The following TTN variants were observed in gnomAD, a reference collection of about 807,000 sequenced individuals.
The protein encoded by TTN is titin.
In TTN, 1,525 loss-of-function variants were observed where a neutral mutation model predicts 3,223.0. The observed-to-expected ratio is 0.47, with a 90% CI of 0.45 to 0.49. The LOEUF (loss-of-function observed/expected upper bound fraction) is 0.49, where lower values mean the gene tolerates loss of function less well. Ranked by LOEUF, TTN falls within the 20% of genes least tolerant of loss-of-function variation. The probability of loss-of-function intolerance (pLI) is 0.00; values close to 1 mark genes in which losing one functional copy is unlikely to be tolerated. For synonymous variants in TTN, 14,094 were observed against 15,161.0 expected, an observed-to-expected ratio of 0.93 and a Z score of 5.17; for missense variants, 40,786 against 43,424.0, an observed-to-expected ratio of 0.94 and a Z score of 5.40.
chr2:178,614,598 T>C lies in TTN; in HGVS notation c.48916A>G (p.Thr16306Ala), dbSNP rs767671184. ...DMILKQDKRITIENVPKKSTV... is the reference protein window; with the variant it reads ...DMILKQDKRIAIENVPKKSTV... ...GATTTCTTAGGGACATTTTCAATGG[T>C]AATTCTTTTGTCCTGCTTCAGAATC... The change falls in exon 261 of 363, where the codon ACC (threonine) becomes GCC (alanine). Residue 16306 changes from threonine to alanine, a missense_variant. Coordinates refer to ENST00000589042, the MANE Select transcript of TTN (RefSeq NM_001267550.2). 1 of 1,612,446 alleles carries C rather than the reference T, an allele frequency of 6.2e-7. No individual in the cohort carries two copies.
chr2:178,574,490 A>G lies in TTN; in HGVS notation c.71642T>C (p.Val23881Ala). ...ACTTGATTTGAAAATGTTGCCTGGT[A>G]CTAAAGCTTTGCTCACAGTCTGCCA... ...ILWQTVSKAL[V>A]PGNIFKSSGL... The change falls in exon 326 of 363, where the codon GTA (valine) becomes GCA (alanine). Residue 23881 changes from valine to alanine, a missense_variant. By Grantham distance (64) the Val-to-Ala change is moderately conservative (BLOSUM62 0). Transcript: ENST00000589042. 6.2e-7 allele frequency: 1 copy of G among 1,613,688 alleles called. No homozygotes were observed. Among genetic ancestry groups the G allele is most frequent in the Non-Finnish European group, 8.5e-7 (1 of 1,179,644 alleles).
Position 178,598,980 on chromosome 2 carries a change from A to G in TTN, c.56730T>C (p.Tyr18910=). The G allele has an allele frequency of 6.2e-7, 1 of 1,611,990 alleles. No individual in the cohort carries two copies. Reference sequence around the variant, plus strand: ...ACCCTGTCACAGGAGAGCCTCCATCATATTCTGGCTCTTCCCAGTTGACAG... The same window carrying G: ...ACCCTGTCACAGGAGAGCCTCCATCGTATTCTGGCTCTTCCCAGTTGACAG... ...SMTVNWEEPE[Y]DGGSPVTGYW... The change falls in exon 291 of 363, where the codon TAT becomes TAC. Residue 18910 remains tyrosine (Y), a synonymous_variant. Coordinates refer to ENST00000589042, the MANE Select transcript of TTN (RefSeq NM_001267550.2).
At position 178,563,150 on chromosome 2, in the gene TTN, G is replaced by A. The variant is rs770498921; in HGVS notation, c.82982C>T (p.Pro27661Leu). The A allele has an allele frequency of 1.2e-6, 2 of 1,613,712 alleles. No individual in the cohort carries two copies. The highest frequency in any genetic ancestry group is 1.1e-5 in the South Asian group (1 of 91,072). The change falls in exon 326 of 363, where the codon CCT (proline) becomes CTT (leucine). Residue 27661 changes from proline to leucine, a missense_variant. Pro to Leu is a moderately conservative substitution (Grantham distance 98). Transcript: ENST00000589042. The surrounding 1 kb of genome is among the most constrained non-coding windows in gnomAD (Gnocchi z 4.5). The stretch of plus-strand genomic sequence containing the variant: ...CCTCTCCTGAGCAACCACTGAGCCA[G>A]GTAGAGTTGCAGGTTCACCTACACC... ...SEGVGEPATL[P>L]GSVVAQERIE... is the part of the protein sequence containing the mutation.
At chr2:178,664,957 A>T in intron 165 of TTN, 31 bp from the exon 166 acceptor site, 5 of 1,579,602 alleles carry the variant, frequency 3.2e-6, no homozygotes, top group Non-Finnish European at 4.3e-6. Flanking sequence ...CACATTTAAG[A>T]GTTAAAATGA....
intron 142 of TTN, 84 bp downstream of exon 142, chr2:178,679,255 G>A: frequency 1.4e-6 from 2 of 1,411,234 alleles, no homozygotes; most frequent in Non-Finnish European, 2.0e-6. Flanking sequence ...ATATTGTCAT[G>A]GGGAAAGATC....
At chr2:178,798,544 G>A (rs1028684401) in intron 6 of TTN, 2 of 152,004 alleles carry the variant, frequency 1.3e-5, no homozygotes, top group African/African-American at 4.8e-5. Flanking sequence ...AAGAATATTG[G>A]CATAATTATT....
intron 318 of TTN, 22 bp from the exon 319 acceptor site, chr2:178,579,870 A>G (rs1406339718): frequency 1.2e-6 from 2 of 1,612,280 alleles, no homozygotes; most frequent in Admixed American, 1.7e-5. Context: ...GAGAAATGAT[A>G]AGTGTAAGCC....
intron 45 of TTN, 147 bp from the exon 46 acceptor site, chr2:178,756,944 C>G: frequency 1.4e-6 from 1 of 735,536 alleles, no homozygotes; most frequent in Non-Finnish European, 2.2e-6. Flanking sequence ...GCAATATGAT[C>G]TAGATGTCAG....
chr2:178,565,677 T>A lies in TTN; in HGVS notation c.80455A>T (p.Met26819Leu), dbSNP rs1705523531. Residue 26819 changes from methionine (M) to leucine (L), a missense_variant, in exon 326 of 363, where the codon ATG becomes TTG. Physicochemically the swap from Met to Leu is conservative, Grantham distance 15. Transcript: ENST00000589042. ...CATTTTTCAGTTCCTTTGGGCTGCA[T>A]TTCAACAACGTACCCCAGGACTCTG... Reference protein sequence around the residue: ...GSRVLGYVVEMQPKGTEKWSI... With the variant: ...GSRVLGYVVELQPKGTEKWSI... 1 of 1,613,628 alleles carries A rather than the reference T, an allele frequency of 6.2e-7. No homozygotes were observed. Among genetic ancestry groups the A allele is most frequent in the Non-Finnish European group, 8.5e-7 (1 of 1,179,642 alleles).
Position 178,587,313 on chromosome 2 carries a change from G to T in TTN, c.63898C>A (p.His21300Asn). Residue 21300 changes from histidine to asparagine, a missense_variant, in exon 307 of 363, where the codon CAT (histidine) becomes AAT (asparagine). Transcript: ENST00000589042. The part of the protein sequence containing the change: ...PENDGGSQVT[H>N]YIVEKREADR... The stretch of plus-strand genomic sequence containing the variant: ...GCCTCACGTTTCTCCACGATATAAT[G>T]TGTCACTTGGCTCCCACCGTCGTTT... 2 of 1,612,802 alleles carry T rather than the reference G, an allele frequency of 1.2e-6. No homozygotes were observed. The highest frequency in any genetic ancestry group is 8.5e-7 in the Non-Finnish European group (1 of 1,179,404).
chr2:178,542,201 TTC>T, intron 349 of TTN, 61 bp downstream of exon 349: 2 of 1,475,240 alleles, frequency 1.4e-6, no homozygotes, highest in Non-Finnish European at 1.8e-6. Context: ...TAAAAACAAA[TTC>T]TTTTTTGTTA....
At position 178,560,616 on chromosome 2, in the gene TTN, G is replaced by T. The variant is rs201272728; in HGVS notation, c.85516C>A (p.Gln28506Lys). The change falls in exon 326 of 363, where the codon CAG becomes AAG. Residue 28506 changes from glutamine to lysine, a missense_variant. Physicochemically the swap from Gln to Lys is moderately conservative, Grantham distance 53. Coordinates refer to ENST00000589042, the MANE Select transcript of TTN (RefSeq NM_001267550.2). ...TTGGTTACTTTACAGGATGTCATCT[G>T]TAACTCTCCTTCACATATTGTCCAT... is the stretch of plus-strand genomic sequence containing the variant. Reference protein sequence around the residue: ...LAWTICEGELQMTSCKVTKLL... With the variant: ...LAWTICEGELKMTSCKVTKLL... 456 of 1,613,494 alleles carry T rather than the reference G, an allele frequency of 2.8e-4. No homozygotes were observed. The highest frequency in any genetic ancestry group is 2.6e-3 in the Middle Eastern group (16 of 6,060).
Position 178,526,968 on chromosome 2 carries a change from C to T in TTN, c.*44G>A, listed in dbSNP as rs764663281. 14 of 1,483,618 alleles carry T rather than the reference C, an allele frequency of 9.4e-6. No individual in the cohort carries two copies. The highest frequency in any genetic ancestry group is 8.4e-5 in the African/African-American group (6 of 71,476). 91.9% of individuals were successfully genotyped at this position (1,483,618 alleles called of 1,614,324 possible). A position where few individuals can be genotyped will look rare whatever the true frequency, so the allele number is the denominator to read the frequency against. On this transcript the variant is annotated 3_prime_UTR_variant, in exon 363 of 363. Coordinates refer to ENST00000589042, the MANE Select transcript of TTN (RefSeq NM_001267550.2). ...AAGATTAGTCCGTGTGAAACGTTTG[C>T]GAAAAGTTAAGAATGAGTGTAGAGT...
rs1470748172 is a variant in TTN, at chr2:178,589,093, T to C, written c.62632A>G (p.Ser20878Gly). ...VRNLKIVDVS[S>G]DRCTVCWDPP... ...TCCCAGCAAACAGTACACCTATCAC[T>C]GGACACATCAACAATTTTCAGATTT... Residue 20878 changes from serine (S) to glycine (G), a missense_variant, in exon 304 of 363, where the codon AGT becomes GGT. By Grantham distance (56) the Ser-to-Gly change is moderately conservative. Coordinates refer to ENST00000589042, the MANE Select transcript of TTN (RefSeq NM_001267550.2). 6.2e-7 allele frequency: 1 copy of C among 1,610,562 alleles called. No individual in the cohort carries two copies.
Position 178,764,690 on chromosome 2 carries a change from T to C in TTN, c.9825A>G (p.Glu3275=). The change falls in exon 42 of 363, where the codon GAA becomes GAG. Residue 3275 remains glutamate, a synonymous_variant. Coordinates refer to ENST00000589042, the MANE Select transcript of TTN (RefSeq NM_001267550.2). ...RPQPKISWYK[E]EQLLSTGFKC... ...TGAAGCCAGTGGAAAGCAGCTGCTC[T>C]TCCTTGTACCAGGAAATTTTGGGCT... 1 of 1,614,152 alleles carries C rather than the reference T, an allele frequency of 6.2e-7. No homozygotes were observed. The highest frequency in any genetic ancestry group is 8.5e-7 in the Non-Finnish European group (1 of 1,180,002).
chr2:178,613,154 A>G lies in TTN; in HGVS notation c.49648+7T>C, dbSNP rs1553700115. 6.2e-7 allele frequency: 1 copy of G among 1,608,266 alleles called. No individual in the cohort carries two copies. Among genetic ancestry groups the G allele is most frequent in the Non-Finnish European group, 8.5e-7 (1 of 1,177,960 alleles). On this transcript the variant is annotated splice_region_variant and intron_variant, in intron 264 of 362. Transcript: ENST00000589042. ...CGAAATAACCACAAAAATTATATAA[A>G]TAATACCTATGGGATCCTTTATTAA...
chr2:178,613,204 T>C lies in TTN; in HGVS notation c.49605A>G (p.Lys16535=). 6.2e-7 allele frequency: 1 copy of C among 1,611,562 alleles called. No individual in the cohort carries two copies. The highest frequency in any genetic ancestry group is 8.5e-7 in the Non-Finnish European group (1 of 1,178,882). ...VLAENLAGPG[K]PSKSTEPILI... is the part of the protein sequence containing the mutation. ...AGATTGGTTCAGTTGATTTGCTTGGTTTTCCAGGTCCAGCAAGATTTTCAG... is the reference window on the plus strand; with the variant it reads ...AGATTGGTTCAGTTGATTTGCTTGGCTTTCCAGGTCCAGCAAGATTTTCAG... The change falls in exon 264 of 363, where the codon AAA becomes AAG. Residue 16535 remains lysine (K), a synonymous_variant. Transcript: ENST00000589042.
At chr2:178,705,878 G>A (rs2075791147) in intron 102 of TTN, among the ~76,000 whole-genome samples, 1 of 152,138 alleles carries the variant, frequency 6.6e-6, no homozygotes. Context: ...TAGAAAAAAA[G>A]TTTCATACCT....
Position 178,707,723 on chromosome 2 carries a change from C to A in TTN, c.28844G>T (p.Gly9615Val), listed in dbSNP as rs754640016. The change falls in exon 100 of 363, where the codon GGA (glycine) becomes GTA (valine). Residue 9615 changes from glycine to valine, a missense_variant. Transcript: ENST00000589042. ...CCACTGGATCCTAATTGGCTCAGAT[C>A]CCTGGACATGGCAGCTGAGCTGCAC... ...EYVQLSCHVQ[G>V]SEPIRIQWLK... 2 of 1,613,976 alleles carry A rather than the reference C, an allele frequency of 1.2e-6. No homozygotes were observed. The highest frequency in any genetic ancestry group is 1.1e-5 in the South Asian group (1 of 91,078).
Sources: gnomAD v4.1 joint callset for allele counts (sites outside exome capture counted in the v4.1 genomes callset) on GRCh38, gnomAD v4.1.1 for gene constraint, Gnocchi (gnomAD v3.1) non-coding constraint, MANE v1.5 for transcripts, NCBI Gene and HGNC (gene_info 2026-07-23, HGNC 2026-07-21) for gene names.